The following VAT1L variants were observed in gnomAD, a reference collection of about 807,000 sequenced individuals.
VAT1L encodes the protein putative NADPH-dependent quinone oxidoreductase VAT1L.
In VAT1L, 34 loss-of-function variants were observed where a neutral mutation model predicts 44.1. That is an observed-to-expected ratio of 0.77 (90% CI 0.59 to 1.03). VAT1L has a LOEUF of 1.03. Among genes scored for constraint, VAT1L ranks in the 50% least tolerant of loss-of-function variants. The pLI is 0.00. For synonymous variants in VAT1L, 253 were observed against 202.2 expected (o/e 1.25, Z -2.13); for missense variants, 615 against 538.8 (o/e 1.14, Z -1.40).
chr16:77,880,221 G>A (rs432929), intron 6 of VAT1L, among the ~76,000 whole-genome samples: 65,673 of 151,854 alleles, frequency 0.43, 15,784 homozygotes, highest in East Asian at 0.65. Context: ...CCGTGGCATG[G>A]TCTCGGCTCA....
At chr16:77,876,163 T>A (rs1310923384) in intron 4 of VAT1L, among the ~76,000 whole-genome samples, 1 of 152,200 alleles carries the variant, frequency 6.6e-6, no homozygotes, top group African/African-American at 2.4e-5. Flanking sequence ...CCCAGACTCT[T>A]AGCTGCCTCC....
At chr16:77,811,330 C>T (rs2016261771) in intron 1 of VAT1L, among the ~76,000 whole-genome samples, 1 of 152,142 alleles carries the variant, frequency 6.6e-6, no homozygotes, top group South Asian at 2.1e-4. Flanking sequence ...AATTAATAAA[C>T]TATAGCTGGG....
At chr16:77,883,309 AG>A (rs974146778) in intron 6 of VAT1L, among the ~76,000 whole-genome samples, 1 of 152,198 alleles carries the variant, frequency 6.6e-6, no homozygotes, top group African/African-American at 2.4e-5. Context: ...CCAAAGGAAA[AG>A]CAATTAAATC....
intron 7 of VAT1L, among the ~76,000 whole-genome samples, chr16:77,946,903 C>T (rs1422261878): frequency 6.6e-6 from 1 of 152,194 alleles, no homozygotes; most frequent in Non-Finnish European, 1.5e-5. Flanking sequence ...CTATCCATCC[C>T]TAGTTGGCCT....
chr16:77,930,601 C>T (rs74476529), intron 7 of VAT1L, among the ~76,000 whole-genome samples: 1,601 of 152,246 alleles, frequency 0.011, 12 homozygotes, highest in Middle Eastern at 0.024. Context: ...AGGTAGGTTC[C>T]GTAGCACTCA....
intron 7 of VAT1L, among the ~76,000 whole-genome samples, chr16:77,961,576 C>A (rs418128): frequency 0.98 from 149,110 of 152,280 alleles, 73,091 homozygotes; most frequent in Middle Eastern, 1. Flanking sequence ...CACCACGGTT[C>A]TTCATTTGAC....
chr16:77,870,061 C>G (rs188814563), intron 4 of VAT1L, among the ~76,000 whole-genome samples: 1 of 152,110 alleles, frequency 6.6e-6, no homozygotes, highest in African/African-American at 2.4e-5. Flanking sequence ...GGTAGTATTG[C>G]GAAGTACATA....
Position 77,817,066 on chromosome 16 carries a change from C to G in VAT1L, c.363+16C>G. ...AGGATATGAGGTAATGTTTGGCTCT[C>G]AATTGAAGAGTAATATTCATTTGGA... On this transcript the variant is annotated intron_variant, in intron 2 of 8. Transcript: ENST00000302536. 1 of 1,607,072 alleles carries G rather than the reference C, an allele frequency of 6.2e-7. No homozygotes were observed. Among genetic ancestry groups the G allele is most frequent in the Admixed American group, 1.7e-5 (1 of 58,372 alleles).
At chr16:77,957,256 T>C (rs1300845955) in intron 7 of VAT1L, among the ~76,000 whole-genome samples, 1 of 152,168 alleles carries the variant, frequency 6.6e-6, no homozygotes, top group Non-Finnish European at 1.5e-5. Flanking sequence ...GGTGAAAACC[T>C]TCAGACATTA....
chr16:77,862,993 C>A, intron 4 of VAT1L, 103 bp downstream of exon 4: 1 of 1,410,812 alleles, frequency 7.1e-7, no homozygotes, highest in Non-Finnish European at 9.6e-7. Context: ...ATGTAGCAAA[C>A]ATATATTGGG....
intron 1 of VAT1L, chr16:77,801,591 A>G (rs1207457189): frequency 6.6e-6 from 1 of 152,118 alleles, no homozygotes; most frequent in Non-Finnish European, 1.5e-5. Flanking sequence ...AGTCTGAGCC[A>G]TATGATTCAA....
chr16:77,840,876 G>A (rs1050340905), intron 3 of VAT1L, among the ~76,000 whole-genome samples: 11 of 152,112 alleles, frequency 7.2e-5, no homozygotes, highest in African/African-American at 1.2e-4. Context: ...ATTTTTAACT[G>A]TGGTATTGGA....
chr16:77,945,293 T>TTTTTTTTTTC, intron 7 of VAT1L, among the ~76,000 whole-genome samples: 1 of 146,746 alleles, frequency 6.8e-6, no homozygotes, highest in Non-Finnish European at 1.5e-5. Flanking sequence ...TTTTTTTTTT[T>TTTTTTTTTTC]TGAGAGAGAG....
chr16:77,802,961 G>A (rs953166690), intron 1 of VAT1L, among the ~76,000 whole-genome samples: 8 of 152,098 alleles, frequency 5.3e-5, no homozygotes, highest in South Asian at 2.1e-4. Context: ...CAGCAGGGCC[G>A]GCAGCCCAGC....
chr16:77,799,383 T>C (rs1317901453), intron 1 of VAT1L, among the ~76,000 whole-genome samples: 2 of 151,892 alleles, frequency 1.3e-5, no homozygotes, highest in Non-Finnish European at 1.5e-5. Flanking sequence ...CTCTCTCTCC[T>C]CTTTCTCTCT....
intron 3 of VAT1L, 73 bp downstream of exon 3, chr16:77,825,534 C>G: frequency 6.8e-7 from 1 of 1,472,318 alleles, no homozygotes; most frequent in East Asian, 2.5e-5. Flanking sequence ...CCCCTGAGGT[C>G]TTATGTGAGC....
At chr16:77,907,854 TC>T (rs2017454307) in intron 7 of VAT1L, among the ~76,000 whole-genome samples, 1 of 152,168 alleles carries the variant, frequency 6.6e-6, no homozygotes, top group South Asian at 2.1e-4. Flanking sequence ...TTTCTCACCA[TC>T]CATCATTTTA....
Position 77,930,066 on chromosome 16 carries a change from C to A in VAT1L, c.1078-41784C>A, listed in dbSNP as rs186531831. ...AATACCCATAGCCCATACTCCTTAT[C>A]CCTTTTAGAAGGACCTACCTTCCAG... On this transcript the variant is annotated intron_variant, in intron 7 of 8. Transcript: ENST00000302536. Among the ~76,000 whole-genome samples, 136 of 152,320 alleles carry A rather than the reference C, an allele frequency of 8.9e-4. 2 individuals carry two copies. Among genetic ancestry groups the A allele is most frequent in the Non-Finnish European group, 2.4e-4 (16 of 68,024 alleles).
intron 4 of VAT1L, among the ~76,000 whole-genome samples, chr16:77,868,526 T>C (rs547469448): frequency 6.7e-4 from 102 of 152,326 alleles, no homozygotes; most frequent in Non-Finnish European, 8.7e-4. Context: ...AATACTGTGC[T>C]TATTTTTCAG....
Sources: allele counts gnomAD v4.1 joint callset (sites outside exome capture counted in the v4.1 genomes callset), GRCh38; gene constraint gnomAD v4.1.1; transcripts MANE v1.5; gene names NCBI Gene and HGNC (gene_info 2026-07-23, HGNC 2026-07-21).